Variants in ZFHX3 observed in about 807,000 individuals in gnomAD.
ZFHX3 encodes the protein zinc finger homeobox protein 3.
A neutral mutation model predicts 279.1 loss-of-function variants in ZFHX3; 42 were observed. The ratio of observed to expected loss-of-function variants is 0.15; its 90% confidence interval spans 0.12 to 0.19. The LOEUF (loss-of-function observed/expected upper bound fraction) is 0.19. Among genes scored for constraint, ZFHX3 ranks in the 10% least tolerant of loss-of-function variants. The pLI is 1.00. For synonymous variants in ZFHX3, 2,293 were observed against 1,957.8 expected (o/e 1.17, Z -4.52); for missense variants, 4,981 against 4,754.0 (o/e 1.05, Z -1.40).
intron 5 of ZFHX3, among the ~76,000 whole-genome samples, chr16:73,188,584 T>G (rs1009138686): frequency 2.6e-5 from 4 of 152,190 alleles, no homozygotes; most frequent in African/African-American, 9.6e-5. Flanking sequence ...AAACCCTGAC[T>G]AAACTATTGT....
intron 1 of ZFHX3, among the ~76,000 whole-genome samples, chr16:73,043,761 A>G (rs1567647884): frequency 6.6e-6 from 1 of 152,212 alleles, no homozygotes; most frequent in South Asian, 2.1e-4. Flanking sequence ...GTTTCTGTCC[A>G]TATCAAAGTC....
chr16:73,282,243 T>TATCTG (rs1204527475), intron 4 of ZFHX3, among the ~76,000 whole-genome samples: 11 of 152,196 alleles, frequency 7.2e-5, no homozygotes, highest in Non-Finnish European at 2.9e-5. Flanking sequence ...GCCAAGAGGT[T>TATCTG]ATCTGATCTT....
intron 2 of ZFHX3, among the ~76,000 whole-genome samples, chr16:73,530,325 C>T (rs984349843): frequency 2.6e-5 from 4 of 152,170 alleles, no homozygotes; most frequent in African/African-American, 9.7e-5. Flanking sequence ...ACAGAAGCTA[C>T]AGCTCAAGAT....
chr16:73,581,957 AG>A (rs1404093364), intron 2 of ZFHX3, among the ~76,000 whole-genome samples: 1 of 151,796 alleles, frequency 6.6e-6, no homozygotes, highest in African/African-American at 2.4e-5. Flanking sequence ...TACAGGCATG[AG>A]CCACCGCACC....
At chr16:73,098,056 G>A (rs964568907) in intron 7 of ZFHX3, among the ~76,000 whole-genome samples, 3 of 145,702 alleles carry the variant, frequency 2.1e-5, no homozygotes, top group Admixed American at 1.4e-4. Flanking sequence ...AAGTATCTGC[G>A]TCCCTTGTGT....
chr16:73,081,079 T>C (rs1359529887), intron 8 of ZFHX3, among the ~76,000 whole-genome samples: 4 of 152,200 alleles, frequency 2.6e-5, no homozygotes, highest in Admixed American at 2.6e-4. Flanking sequence ...CAAAAATCTT[T>C]TGAATTCTTT....
At chr16:73,600,567 G>T (rs57188967) in intron 2 of ZFHX3, among the ~76,000 whole-genome samples, 8,642 of 151,892 alleles carry the variant, frequency 0.057, 729 homozygotes, top group African/African-American at 0.18. Context: ...ACAGGCGCCC[G>T]CCACCACGCC....
intron 2 of ZFHX3, among the ~76,000 whole-genome samples, chr16:73,506,751 G>A (rs767811182): frequency 2.0e-5 from 3 of 152,214 alleles, no homozygotes; most frequent in East Asian, 1.9e-4. Context: ...GTGCAACCAC[G>A]GCAACCACAG....
chr16:73,610,565 C>T (rs4888520), intron 2 of ZFHX3, among the ~76,000 whole-genome samples: 29,418 of 152,114 alleles, frequency 0.19, 3,023 homozygotes, highest in South Asian at 0.2. Flanking sequence ...AGTCTGTTAA[C>T]TGAAACACTA....
chr16:73,750,071 G>A (rs977823436), intron 1 of ZFHX3, among the ~76,000 whole-genome samples: 9 of 152,120 alleles, frequency 5.9e-5, no homozygotes, highest in African/African-American at 2.2e-4. Context: ...ATACTCTCCT[G>A]TGGAGAGTCA....
chr16:73,193,217 G>A (rs1968080004), intron 5 of ZFHX3, among the ~76,000 whole-genome samples: 1 of 152,206 alleles, frequency 6.6e-6, no homozygotes, highest in African/African-American at 2.4e-5. Flanking sequence ...GCCTGAAGAT[G>A]TGGGTCCTAT....
chr16:73,852,504 T>G (rs1177316138), intron 1 of ZFHX3, among the ~76,000 whole-genome samples: 1 of 152,238 alleles, frequency 6.6e-6, no homozygotes, highest in Non-Finnish European at 1.5e-5. Flanking sequence ...TGTATGTCTT[T>G]GCAGGATGGT....
intron 3 of ZFHX3, among the ~76,000 whole-genome samples, chr16:73,436,964 G>A (rs903334012): frequency 6.6e-6 from 1 of 152,264 alleles, no homozygotes; most frequent in East Asian, 1.9e-4. Flanking sequence ...GATTCAAGCT[G>A]GTCTTGCTTC....
At chr16:73,026,351 G>A (rs1964499713) in intron 1 of ZFHX3, among the ~76,000 whole-genome samples, 1 of 150,598 alleles carries the variant, frequency 6.6e-6, no homozygotes, top group African/African-American at 2.4e-5. Context: ...CCAGGCTGGG[G>A]GGCAGAGCAA....
chr16:73,438,607 T>C (rs1346513187), intron 3 of ZFHX3, among the ~76,000 whole-genome samples: 1 of 152,228 alleles, frequency 6.6e-6, no homozygotes, highest in Non-Finnish European at 1.5e-5. Context: ...GCATTGCCTC[T>C]GGATTGTACA....
chr16:73,428,396 C>T lies in ZFHX3; in HGVS notation c.-1291+27607G>A, dbSNP rs114923332. 6.2e-3 allele frequency among the ~76,000 whole-genome samples: 951 copies of T among 152,200 alleles called. 10 individuals are homozygous for T. The highest frequency in any genetic ancestry group is 0.022 in the African/African-American group (899 of 41,520). Reference sequence around the variant, plus strand: ...AGCCTGCATCGGTCCATGCAATGCACGAGCCAGGAAGGGGCCCTGACAATC... The same window carrying T: ...AGCCTGCATCGGTCCATGCAATGCATGAGCCAGGAAGGGGCCCTGACAATC... On this transcript the variant is annotated intron_variant, in intron 3 of 17. Coordinates refer to the ZFHX3 transcript ENST00000641206.
chr16:73,257,080 A>T (rs2013681040), exon 5 of ZFHX3: 1 of 152,230 alleles, frequency 6.6e-6, no homozygotes, highest in African/African-American at 2.4e-5. Flanking sequence ...TGAAGATAGC[A>T]AGGACTCAAA....
rs374030271 is a variant in ZFHX3, at chr16:73,365,768, T to G, written c.-1290-47432A>C. 1.6e-4 allele frequency among the ~76,000 whole-genome samples: 25 copies of G among 152,266 alleles called. No individual in the cohort carries two copies. In the East Asian group the frequency reaches 3.9e-3, roughly 24 times the overall value. On this transcript the variant is annotated intron_variant, in intron 3 of 17. Transcript: ENST00000641206. ...CCTGTAGAAAGTCACATTCTTCCCC[T>G]CCTGATCCTGGAGCCACCTTCTTAA... is the stretch of plus-strand genomic sequence containing the variant.
intron 2 of ZFHX3, among the ~76,000 whole-genome samples, chr16:73,491,601 C>T (rs1388862982): frequency 6.6e-6 from 1 of 152,154 alleles, no homozygotes; most frequent in Non-Finnish European, 1.5e-5. Flanking sequence ...CACTGAGTCT[C>T]ATTGGCTGGC....
Sources: allele counts gnomAD v4.1 joint callset (sites outside exome capture counted in the v4.1 genomes callset), GRCh38; gene constraint gnomAD v4.1.1; transcripts MANE v1.5; gene names NCBI Gene and HGNC (gene_info 2026-07-23, HGNC 2026-07-21).